The following TRPC4AP variants were observed in gnomAD, a reference collection of about 807,000 sequenced individuals.
TRPC4AP encodes transient receptor potential cation channel subfamily C member 4 associated protein.
In TRPC4AP, 45 loss-of-function variants were observed where a neutral mutation model predicts 99.0. The ratio of observed to expected loss-of-function variants is 0.45; its 90% CI spans 0.36 to 0.58. The LOEUF (loss-of-function observed/expected upper bound fraction) is 0.58. Ranked by LOEUF, TRPC4AP falls within the 20% of genes least tolerant of loss-of-function variation. The pLI is 0.00. For synonymous variants in TRPC4AP, 408 were observed against 385.8 expected (o/e 1.06, Z -0.67); for missense variants, 879 against 985.3 (o/e 0.89, Z 1.44).
intron 9 of TRPC4AP, among the ~76,000 whole-genome samples, chr20:35,017,514 G>T (rs1000903362): frequency 1.3e-5 from 2 of 152,216 alleles, no homozygotes; most frequent in Non-Finnish European, 2.9e-5. Flanking sequence ...CGGGGCTGTT[G>T]TAAGGATCGA....
chr20:35,052,441 G>A (rs1344471273), intron 5 of TRPC4AP, among the ~76,000 whole-genome samples: 4 of 152,048 alleles, frequency 2.6e-5, no homozygotes, highest in Non-Finnish European at 4.4e-5. Context: ...TAAATGAGGA[G>A]CTACAAACTA....
chr20:35,045,684 G>A (rs2083545531), intron 6 of TRPC4AP, among the ~76,000 whole-genome samples: 2 of 151,966 alleles, frequency 1.3e-5, no homozygotes, highest in Non-Finnish European at 1.5e-5. Context: ...GATTACAGGC[G>A]CCCGCCACCA....
At chr20:35,065,576 C>A (rs189300937) in intron 3 of TRPC4AP, among the ~76,000 whole-genome samples, 13 of 152,296 alleles carry the variant, frequency 8.5e-5, no homozygotes, top group Admixed American at 8.5e-4. Context: ...CTACCAGCAG[C>A]AGGACAGCAA....
intron 2 of TRPC4AP, among the ~76,000 whole-genome samples, chr20:35,077,752 A>AT (rs1467588348): frequency 6.6e-6 from 1 of 152,172 alleles, no homozygotes; most frequent in Non-Finnish European, 1.5e-5. Context: ...TGTCATCCCA[A>AT]TCACAGGATA....
chr20:35,070,370 TG>T (rs2084275283), intron 2 of TRPC4AP, among the ~76,000 whole-genome samples: 1 of 152,144 alleles, frequency 6.6e-6, no homozygotes, highest in Admixed American at 6.5e-5. Context: ...ACAACTCATT[TG>T]TAACATTTAG....
At chr20:35,020,719 T>G (rs2147295296) in intron 9 of TRPC4AP, among the ~76,000 whole-genome samples, 1 of 152,184 alleles carries the variant, frequency 6.6e-6, no homozygotes, top group African/African-American at 2.4e-5. Flanking sequence ...CCACTGTAGG[T>G]TATGGGCCCC....
In TRPC4AP at chr20:35,007,326, C is replaced by T. The variant is rs574139002; in HGVS notation, c.1686+224G>A. Among the ~76,000 whole-genome samples the T allele has an allele frequency of 3.3e-5, 5 of 152,354 alleles. No individual in the cohort carries two copies. The South Asian group carries it at 6.2e-4, about 19-fold the overall frequency. ...CTTGCTGGGTAACCAAACTGTCACC[C>T]TCCTGCATGGCCTGGCCACCCTCTA... On this transcript the variant is annotated intron_variant, in intron 14 of 18. Coordinates refer to ENST00000252015, the MANE Select transcript of TRPC4AP (RefSeq NM_015638.3).
intron 3 of TRPC4AP, among the ~76,000 whole-genome samples, chr20:35,068,961 ACACACACACACACAC>A (rs1270520981): frequency 2.5e-5 from 1 of 39,374 alleles, no homozygotes; most frequent in Non-Finnish European, 4.5e-5. Context: ...ACACACACAC[ACACACACACACACAC>A]ACAAAAAAAA....
chr20:35,006,394 G>A (rs776336698), intron 15 of TRPC4AP, 41 bp downstream of exon 15: 13 of 1,600,048 alleles, frequency 8.1e-6, no homozygotes, highest in Admixed American at 1.7e-5. Context: ...TGAACTTCTG[G>A]ACAACCCAGC....
At chr20:35,059,792 A>G (rs1344401320) in intron 3 of TRPC4AP, among the ~76,000 whole-genome samples, 3 of 149,894 alleles carry the variant, frequency 2.0e-5, no homozygotes, top group South Asian at 2.1e-4. Context: ...GATGAAGAAG[A>G]AGGCGAAGAC....
chr20:35,045,306 A>G (rs1207392952), intron 6 of TRPC4AP, among the ~76,000 whole-genome samples: 2 of 152,148 alleles, frequency 1.3e-5, no homozygotes, highest in African/African-American at 2.4e-5. Context: ...CAACATTTTG[A>G]AGTTTATCTA....
At chr20:35,083,541 C>T (rs2084706891) in intron 1 of TRPC4AP, among the ~76,000 whole-genome samples, 1 of 150,234 alleles carries the variant, frequency 6.7e-6, no homozygotes, top group East Asian at 1.9e-4. Flanking sequence ...ACCTGGGAGG[C>T]GGAGGTTGCA....
chr20:35,019,415 G>A (rs1263391836), intron 9 of TRPC4AP, among the ~76,000 whole-genome samples: 1 of 152,198 alleles, frequency 6.6e-6, no homozygotes, highest in Non-Finnish European at 1.5e-5. Flanking sequence ...GAGAACTGCT[G>A]TGAGAGGGCA....
intron 5 of TRPC4AP, 31 bp from the exon 6 acceptor site, chr20:35,050,025 G>GT: frequency 6.2e-7 from 1 of 1,602,810 alleles, no homozygotes; most frequent in Non-Finnish European, 8.5e-7. Context: ...AGAATAGGTT[G>GT]TAAGTACAAA....
At chr20:35,086,477 A>ATATATATG (rs1569157601) in intron 1 of TRPC4AP, among the ~76,000 whole-genome samples, 6 of 64,290 alleles carry the variant, frequency 9.3e-5, no homozygotes, top group African/African-American at 4.0e-4. Flanking sequence ...GTGTGTGTGT[A>ATATATATG]TGTGTGTGTA....
chr20:35,014,036 G>A (rs2082695442), intron 10 of TRPC4AP, among the ~76,000 whole-genome samples: 1 of 152,156 alleles, frequency 6.6e-6, no homozygotes, highest in Non-Finnish European at 1.5e-5. Flanking sequence ...ATGCCTCCAG[G>A]GCTGAGGCTA....
chr20:35,053,952 CT>C (rs2083763073), intron 5 of TRPC4AP, among the ~76,000 whole-genome samples: 2 of 152,158 alleles, frequency 1.3e-5, no homozygotes, highest in Admixed American at 6.6e-5. Context: ...ACATATTCCC[CT>C]ATTTGTGTTG....
chr20:35,044,738 C>T, intron 6 of TRPC4AP, 26 bp from the exon 7 acceptor site: 1 of 1,607,986 alleles, frequency 6.2e-7, no homozygotes, highest in South Asian at 1.1e-5. Context: ...ATGAAACAAT[C>T]CCCATGCTCA....
At chr20:35,005,836 G>A in intron 15 of TRPC4AP, 33 bp from the exon 16 acceptor site, 2 of 1,601,078 alleles carry the variant, frequency 1.2e-6, no homozygotes, top group Non-Finnish European at 8.6e-7. Context: ...GCAGGCAGTG[G>A]GCTGCTGGCC....
Sources: allele counts gnomAD v4.1 joint callset (sites outside exome capture counted in the v4.1 genomes callset), GRCh38; gene constraint gnomAD v4.1.1; transcripts MANE v1.5; gene names NCBI Gene and HGNC (gene_info 2026-07-23, HGNC 2026-07-21).